RABL3: variants seen among roughly 807,000 people sequenced by gnomAD.
RABL3 encodes the protein rab-like protein 3.
RABL3 carries 31 observed loss-of-function variants against 31.8 expected under a neutral mutation model. That is an observed-to-expected ratio of 0.97 (90% CI 0.73 to 1.31). RABL3 has a LOEUF of 1.31. RABL3 is among the 40% of genes most tolerant of loss of function. The pLI is 0.00. For synonymous variants in RABL3, 97 were observed against 99.9 expected, an observed-to-expected ratio of 0.97 and a Z score of 0.18; for missense variants, 263 against 279.6, an observed-to-expected ratio of 0.94 and a Z score of 0.42.
rs570814801 is a variant in RABL3, at chr3:120,735,812, C to G, written c.47-5025G>C. ...TTCATTTCATTATGTACCCAGTAGTCATTCAGGAGTAGGTTGTTCAGTTTC... is the reference window on the plus strand; with the variant it reads ...TTCATTTCATTATGTACCCAGTAGTGATTCAGGAGTAGGTTGTTCAGTTTC... On this transcript the variant is annotated intron_variant, in intron 1 of 7. Coordinates refer to ENST00000273375, the MANE Select transcript of RABL3 (RefSeq NM_173825.5). Among the ~76,000 whole-genome samples the G allele has an allele frequency of 1.3e-5, 2 of 152,296 alleles. 1 individual carries two copies. Among genetic ancestry groups the G allele is most frequent in the East Asian group, 3.9e-4 (2 of 5,188 alleles).
chr3:120,710,782 A>G (rs568414191), intron 2 of RABL3, among the ~76,000 whole-genome samples: 36 of 152,232 alleles, frequency 2.4e-4, no homozygotes, highest in Non-Finnish European at 2.9e-4. Flanking sequence ...CTCATCTAAA[A>G]AAAATCCTTC....
At chr3:120,701,716 T>TA (rs763374556) in intron 4 of RABL3, among the ~76,000 whole-genome samples, 3 of 152,188 alleles carry the variant, frequency 2.0e-5, no homozygotes, top group Admixed American at 6.5e-5. Flanking sequence ...TACTCAAACT[T>TA]ATACTATATT....
chr3:120,696,066 T>C (rs1245162124), intron 5 of RABL3, among the ~76,000 whole-genome samples: 1 of 152,190 alleles, frequency 6.6e-6, no homozygotes, highest in Admixed American at 6.5e-5. Flanking sequence ...TACTTCAATA[T>C]GATCGCTTCA....
chr3:120,740,393 C>T (rs1014028244), intron 1 of RABL3, among the ~76,000 whole-genome samples: 2 of 152,070 alleles, frequency 1.3e-5, no homozygotes, highest in Non-Finnish European at 1.5e-5. Context: ...TCCTGAGTAG[C>T]GGGACTACAG....
chr3:120,691,338 T>C (rs1027436299), intron 6 of RABL3, among the ~76,000 whole-genome samples: 2 of 152,190 alleles, frequency 1.3e-5, no homozygotes, highest in Non-Finnish European at 2.9e-5. Context: ...TGGTCTCTGA[T>C]TTAGGATGGC....
At chr3:120,724,181 A>T (rs144321679) in intron 2 of RABL3, among the ~76,000 whole-genome samples, 3,232 of 152,326 alleles carry the variant, frequency 0.021, 53 homozygotes, top group Middle Eastern at 0.054. Flanking sequence ...CCAAATCATG[A>T]GTGAACTCCC....
intron 2 of RABL3, among the ~76,000 whole-genome samples, chr3:120,728,267 T>G (rs1451294957): frequency 6.6e-6 from 1 of 152,190 alleles, no homozygotes; most frequent in African/African-American, 2.4e-5. Context: ...TAAGCTTCTC[T>G]GATCCTTCCT....
chr3:120,738,560 C>T (rs182196677), intron 1 of RABL3: 74 of 153,712 alleles, frequency 4.8e-4, no homozygotes, highest in East Asian at 1.7e-3. Flanking sequence ...CTGTCTTCTG[C>T]GTCGCTCACG....
At chr3:120,722,565 C>T (rs1708759522) in intron 2 of RABL3, 1 of 152,176 alleles carries the variant, frequency 6.6e-6, no homozygotes, top group African/African-American at 2.4e-5. Flanking sequence ...TATTCAGCTT[C>T]CTAGTTCTAT....
chr3:120,733,310 C>A (rs1458197537), intron 1 of RABL3, among the ~76,000 whole-genome samples: 1 of 152,110 alleles, frequency 6.6e-6, no homozygotes, highest in African/African-American at 2.4e-5. Flanking sequence ...TCTCTGATGG[C>A]CAGTGATGAT....
chr3:120,721,140 G>A lies in RABL3; in HGVS notation c.138+9556C>T, dbSNP rs571619997. 6.4e-4 allele frequency among the ~76,000 whole-genome samples: 98 copies of A among 152,298 alleles called. 1 individual carries two copies. Among genetic ancestry groups the A allele is most frequent in the African/African-American group, 2.3e-3 (95 of 41,558 alleles). On this transcript the variant is annotated intron_variant, in intron 2 of 7. Coordinates refer to ENST00000273375, the MANE Select transcript of RABL3 (RefSeq NM_173825.5). ...CTTTACAGATAAGCAAATGCTGAGA[G>A]ATTCTGTCACCACCAGGCCTGCCCT...
At chr3:120,703,242 G>A (rs1708513522) in intron 4 of RABL3, among the ~76,000 whole-genome samples, 1 of 152,086 alleles carries the variant, frequency 6.6e-6, no homozygotes, top group South Asian at 2.1e-4. Context: ...ATCATATAAA[G>A]TATGTTCTTG....
At chr3:120,716,124 G>T (rs1708665602) in intron 2 of RABL3, among the ~76,000 whole-genome samples, 1 of 152,196 alleles carries the variant, frequency 6.6e-6, no homozygotes, top group East Asian at 1.9e-4. Flanking sequence ...TATGCAATGT[G>T]TAAATTAGAG....
intron 2 of RABL3, among the ~76,000 whole-genome samples, chr3:120,716,033 A>C (rs1306789474): frequency 6.6e-6 from 1 of 152,242 alleles, no homozygotes; most frequent in Non-Finnish European, 1.5e-5. Flanking sequence ...CTTAGTGAAG[A>C]TAGAGACTAT....
At chr3:120,703,366 T>C (rs1251907021) in intron 4 of RABL3, among the ~76,000 whole-genome samples, 3 of 151,722 alleles carry the variant, frequency 2.0e-5, no homozygotes, top group South Asian at 4.2e-4. Flanking sequence ...TCTCAAGGAG[T>C]ATTAGAAAAT....
intron 2 of RABL3, among the ~76,000 whole-genome samples, chr3:120,712,887 C>A (rs1439764986): frequency 6.6e-6 from 1 of 151,952 alleles, no homozygotes. Flanking sequence ...AAATCAAAGC[C>A]AATAGGAAGT....
intron 5 of RABL3, 34 bp downstream of exon 5, chr3:120,698,389 A>G: frequency 6.3e-7 from 1 of 1,581,470 alleles, no homozygotes. Context: ...TTTACCCGAT[A>G]ATAATACAAG....
At chr3:120,699,732 A>G (rs1708475152) in intron 4 of RABL3, among the ~76,000 whole-genome samples, 1 of 152,140 alleles carries the variant, frequency 6.6e-6, no homozygotes, top group African/African-American at 2.4e-5. Flanking sequence ...GCCTCAGCAA[A>G]CTGTTCAGCC....
intron 4 of RABL3, among the ~76,000 whole-genome samples, chr3:120,703,117 G>C (rs1708512448): frequency 1.3e-5 from 2 of 152,170 alleles, no homozygotes; most frequent in African/African-American, 4.8e-5. Context: ...TGCCAAAGCT[G>C]TGCATGCATG....
Sources: allele counts gnomAD v4.1 joint callset (sites outside exome capture counted in the v4.1 genomes callset), GRCh38; gene constraint gnomAD v4.1.1; transcripts MANE v1.5; gene names NCBI Gene and HGNC (gene_info 2026-07-23, HGNC 2026-07-21).